Variants in STK36 observed in about 807,000 individuals in gnomAD.
STK36 encodes serine/threonine-protein kinase 36.
Under a neutral mutation model 142.2 loss-of-function variants are expected in STK36, and 116 were observed. The observed-to-expected ratio is 0.82, with a 90% CI of 0.70 to 0.95. The LOEUF is 0.95. STK36 is among the 40% of genes least tolerant of loss of function. The probability of loss-of-function intolerance (pLI) is 0.00; values close to 1 mark genes in which losing one functional copy is unlikely to be tolerated. For missense variants in STK36, 1,422 were observed against 1,617.2 expected (o/e 0.88, Z 2.07); for synonymous variants, 619 against 641.7 (o/e 0.96, Z 0.53).
intron 6 of STK36, among the ~76,000 whole-genome samples, chr2:218,676,996 C>T (rs1045876985): frequency 6.6e-6 from 1 of 151,432 alleles, no homozygotes; most frequent in African/African-American, 2.4e-5. Flanking sequence ...TGCAATGGCG[C>T]GATCTCGGCT....
chr2:218,679,280 C>T lies in STK36; in HGVS notation c.778+19C>T. 1.9e-6 allele frequency: 3 copies of T among 1,612,334 alleles called. No individual in the cohort carries two copies. The highest frequency in any genetic ancestry group is 2.5e-6 in the Non-Finnish European group (3 of 1,178,438). ...GTCACCAGTGAGTCATCAGGGTTCC[C>T]AGGGCTCTTGGACTTCCCAGTACTT... On this transcript the variant is annotated intron_variant, in intron 7 of 26. Coordinates refer to ENST00000295709, the MANE Select transcript of STK36 (RefSeq NM_015690.5).
At position 218,685,088 on chromosome 2, in the gene STK36, C is replaced by T; in HGVS notation, c.1240C>T (p.Pro414Ser). 1.9e-6 allele frequency: 3 copies of T among 1,614,104 alleles called. No individual in the cohort carries two copies. Among genetic ancestry groups the T allele is most frequent in the Non-Finnish European group, 2.5e-6 (3 of 1,179,984 alleles). The change falls in exon 11 of 27, where the codon CCA (proline) becomes TCA (serine). Residue 414 changes from proline to serine, a missense_variant. Around this residue, in one of 2 missense-constraint regions of STK36, gnomAD observed 962 missense variants for 1,167.5 expected, o/e 0.82. Transcript: ENST00000295709. Reference protein sequence around the residue: ...TDVVDLENEEPDSDNEWQHLL... With the variant: ...TDVVDLENEESDSDNEWQHLL... ...CTTTCACTCCCCTCTGCCTCAGGAG[C>T]CAGACAGTGACAATGAGTGGCAGCA...
intron 10 of STK36, among the ~76,000 whole-genome samples, chr2:218,681,271 T>C (rs185786844): frequency 4.6e-5 from 7 of 151,982 alleles, no homozygotes; most frequent in Non-Finnish European, 7.4e-5. Context: ...GGATTACAGG[T>C]GCCCACCACC....
In STK36 at chr2:218,679,572, C is replaced by T. The variant is rs1940409463; in HGVS notation, c.791C>T (p.Pro264Leu). 6.2e-7 allele frequency: 1 copy of T among 1,613,748 alleles called. No individual in the cohort carries two copies. Among genetic ancestry groups the T allele is most frequent in the Non-Finnish European group, 8.5e-7 (1 of 1,179,892 alleles). ...TCCCTCCCTGCAGTAATAACTGAGCCAGCAGGCCCAGATTTGGGGACCCCA... is the reference window on the plus strand; with the variant it reads ...TCCCTCCCTGCAGTAATAACTGAGCTAGCAGGCCCAGATTTGGGGACCCCA... ...IAGHVTIITE[P>L]AGPDLGTPFT... Residue 264 changes from proline (P) to leucine (L), a missense_variant, in exon 8 of 27, where the codon CCA becomes CTA. Around this residue, in one of 2 missense-constraint regions of STK36, gnomAD observed 460 missense variants for 449.6 expected, o/e 1.02. Transcript: ENST00000295709.
rs988303211 is a variant in STK36 at position 218,675,066 on chromosome 2, C to T, written c.304-277C>T. ...TTAACTCAGTCCTCACAATAATCCT[C>T]CATGTAGATGGTGTTATTATATAGA... On this transcript the variant is annotated intron_variant, in intron 4 of 26. Coordinates refer to ENST00000295709, the MANE Select transcript of STK36 (RefSeq NM_015690.5). 9.2e-5 allele frequency among the ~76,000 whole-genome samples: 14 copies of T among 152,104 alleles called. 1 individual carries two copies. The highest frequency in any genetic ancestry group is 8.8e-5 in the Non-Finnish European group (6 of 68,032).
chr2:218,697,111 A>G lies in STK36; in HGVS notation c.2659A>G (p.Met887Val), dbSNP rs151269440. The change falls in exon 23 of 27, where the codon ATG becomes GTG. Residue 887 changes from methionine to valine, a missense_variant. Met to Val is a conservative substitution (Grantham distance 21). Coordinates refer to ENST00000295709, the MANE Select transcript of STK36 (RefSeq NM_015690.5). Reference sequence around the variant, plus strand: ...GACCGTTTTGTGGCACCGCTTCTCCATGGTCCTGAGGCTCCCCGAGGAGGC... The same window carrying G: ...GACCGTTTTGTGGCACCGCTTCTCCGTGGTCCTGAGGCTCCCCGAGGAGGC... Reference protein sequence around the residue: ...MWTVLWHRFSMVLRLPEEASA... With the variant: ...MWTVLWHRFSVVLRLPEEASA... 5.8e-5 allele frequency: 93 copies of G among 1,614,094 alleles called. No individual in the cohort carries two copies. Among genetic ancestry groups the G allele is most frequent in the Non-Finnish European group, 7.3e-5 (86 of 1,180,016 alleles).
At chr2:218,693,866 T>A in intron 18 of STK36, 29 bp from the exon 19 acceptor site, 2 of 1,614,122 alleles carry the variant, frequency 1.2e-6, no homozygotes, top group Non-Finnish European at 1.7e-6. Flanking sequence ...AGCCAGAGGT[T>A]GTTCTGATAT....
At position 218,694,064 on chromosome 2, in the gene STK36, C is replaced by T; in HGVS notation, c.2336+81C>T. 7.1e-7 allele frequency: 1 copy of T among 1,399,974 alleles called. No individual in the cohort carries two copies. The highest frequency in any genetic ancestry group is 1.0e-6 in the Non-Finnish European group (1 of 987,132). The allele number at this position is 1,399,974 out of a possible 1,614,324, so 86.7% of individuals were successfully genotyped here. ...TCACAAAGAGTATGGGGAATGGTAC[C>T]CTACAGCATATCCTTAGGAGGAATT... On this transcript the variant is annotated intron_variant, in intron 19 of 26. Transcript: ENST00000295709. The surrounding 1 kb of genome is among the most constrained non-coding windows in gnomAD (Gnocchi z 4.4).
At chr2:218,678,762 A>G (rs934697128) in intron 6 of STK36, among the ~76,000 whole-genome samples, 1 of 151,824 alleles carries the variant, frequency 6.6e-6, no homozygotes, top group African/African-American at 2.4e-5. Context: ...ATCTGTTCCT[A>G]CCCAGCCACA....
chr2:218,687,056 A>G (rs1342287926), intron 11 of STK36, among the ~76,000 whole-genome samples: 1 of 152,218 alleles, frequency 6.6e-6, no homozygotes. Context: ...CCATTTGTAT[A>G]TCTTCTTTGG....
intron 26 of STK36, among the ~76,000 whole-genome samples, chr2:218,701,223 C>T (rs1194030520): frequency 6.6e-6 from 1 of 151,418 alleles, no homozygotes; most frequent in African/African-American, 2.4e-5. Context: ...CAAGCTCTGC[C>T]TCCCGGGTTC....
chr2:218,690,319 AG>A, intron 13 of STK36, 130 bp from the exon 14 acceptor site: 4 of 756,010 alleles, frequency 5.3e-6, no homozygotes, highest in South Asian at 1.5e-5. Context: ...GTGTGTGGCA[AG>A]GGAGAAGGGA....
At chr2:218,678,330 T>C (rs977114052) in intron 6 of STK36, among the ~76,000 whole-genome samples, 5 of 152,194 alleles carry the variant, frequency 3.3e-5, no homozygotes, top group African/African-American at 1.2e-4. Context: ...TGAAACCTTA[T>C]TGTAGCTTTG....
At chr2:218,676,783 G>T (rs552136061) in intron 6 of STK36, among the ~76,000 whole-genome samples, 19 of 152,102 alleles carry the variant, frequency 1.2e-4, no homozygotes, top group Admixed American at 4.6e-4. Flanking sequence ...TGAGTAGCTG[G>T]GATTACAGGT....
intron 17 of STK36, 45 bp downstream of exon 17, chr2:218,693,389 C>A (rs201463547): frequency 6.5e-6 from 10 of 1,543,444 alleles, no homozygotes; most frequent in East Asian, 2.3e-5. Context: ...TTTTAACTCC[C>A]AGTGCAGACA....
intron 11 of STK36, 129 bp downstream of exon 11, chr2:218,685,357 G>C: frequency 7.8e-7 from 1 of 1,278,816 alleles, no homozygotes; most frequent in Non-Finnish European, 1.1e-6. Flanking sequence ...TGCTTAGTTT[G>C]AGGAGGTTTA....
chr2:218,683,525 G>A (rs148895429), intron 10 of STK36, among the ~76,000 whole-genome samples: 8,683 of 152,008 alleles, frequency 0.057, 709 homozygotes, highest in African/African-American at 0.19. Flanking sequence ...TGCCCGCCTC[G>A]GCCTCTTGAA....
chr2:218,685,046 C>G (rs1940715626), intron 10 of STK36, 39 bp from the exon 11 acceptor site: 3 of 1,612,386 alleles, frequency 1.9e-6, no homozygotes, highest in Non-Finnish European at 2.5e-6. Flanking sequence ...CTTAGACTTA[C>G]ACACTACTCC....
rs559347440 is a variant in STK36 at position 218,699,251 on chromosome 2, G to C, written c.3707G>C (p.Arg1236Pro). Residue 1236 changes from arginine (R) to proline (P), a missense_variant, in exon 26 of 27, where the codon CGG becomes CCG. By Grantham distance (103) the Arg-to-Pro change is moderately radical. Transcript: ENST00000295709. ...EELLQCEVPQ[R>P]LLEMACGDPQ... The stretch of plus-strand genomic sequence containing the variant: ...CTGTTACAGTGCGAAGTACCCCAGC[G>C]GCTCCTAGAAATGGCATGTGGAGAC... The C allele has an allele frequency of 5.0e-5, 80 of 1,613,858 alleles. No individual in the cohort carries two copies. Among genetic ancestry groups the C allele is most frequent in the Non-Finnish European group, 6.3e-5 (74 of 1,180,018 alleles).
Sources: allele counts gnomAD v4.1 joint callset (sites outside exome capture counted in the v4.1 genomes callset), GRCh38; gene constraint gnomAD v4.1.1; regional missense constraint gnomAD v4.1.1; non-coding constraint Gnocchi (gnomAD v3.1); transcripts MANE v1.5; gene names NCBI Gene and HGNC (gene_info 2026-07-23, HGNC 2026-07-21).